Variants in NOD2 observed in about 807,000 individuals in gnomAD.
NOD2 encodes nucleotide binding oligomerization domain containing 2.
NOD2 carries 86 observed loss-of-function variants against 90.9 expected under a neutral mutation model. The ratio of observed to expected loss-of-function variants is 0.95; its 90% CI spans 0.79 to 1.13. The LOEUF (loss-of-function observed/expected upper bound fraction) is 1.13. Ranked by LOEUF, NOD2 falls within the 50% of genes most tolerant of loss-of-function variation. The pLI is 0.00. For missense variants in NOD2, 1,238 were observed against 1,283.8 expected (o/e 0.96, Z 0.55); for synonymous variants, 581 against 554.6 (o/e 1.05, Z -0.67).
Position 50,710,728 on chromosome 16 carries a change from C to T in NOD2, c.736C>T (p.Pro246Ser). Reference sequence around the variant, plus strand: ...CATGGCTGGACCCCCGCAGAAGAGCCCAGCCACCCTGGGCCTGGAGGAGCT... The same window carrying T: ...CATGGCTGGACCCCCGCAGAAGAGCTCAGCCACCCTGGGCCTGGAGGAGCT... ...VGMAGPPQKS[P>S]ATLGLEELFS... The change falls in exon 4 of 12, where the codon CCA becomes TCA. Residue 246 changes from proline (P) to serine (S), a missense_variant. This residue lies in a region of NOD2 where 567 missense variants were observed against 577.3 expected (regional missense o/e 0.98). Transcript: ENST00000647318. 6.2e-7 allele frequency: 1 copy of T among 1,613,770 alleles called. No homozygotes were observed. The highest frequency in any genetic ancestry group is 8.5e-7 in the Non-Finnish European group (1 of 1,179,780).
chr16:50,716,717 T>C, intron 5 of NOD2, 47 bp downstream of exon 5: 3 of 1,581,700 alleles, frequency 1.9e-6, no homozygotes, highest in Non-Finnish European at 2.6e-6. Context: ...TGCCCTGGTC[T>C]CACCCCAGGT....
intron 1 of NOD2, among the ~76,000 whole-genome samples, chr16:50,694,928 G>C (rs1020236910): frequency 6.6e-5 from 10 of 152,172 alleles, no homozygotes; most frequent in Non-Finnish European, 2.9e-5. Flanking sequence ...GGGGTGCTGG[G>C]GCTGGGTATT....
In NOD2 at chr16:50,716,942, C is replaced by G. The variant is rs1964828757; in HGVS notation, c.2517C>G (p.Leu839=). 3 of 1,614,114 alleles carry G rather than the reference C, an allele frequency of 1.9e-6. No homozygotes were observed. Among genetic ancestry groups the G allele is most frequent in the Non-Finnish European group, 2.5e-6 (3 of 1,180,048 alleles). ...GCTGTGCACACTCCATGGCTAAGCT[C>G]CTTGCATGCAGGCAGAACTTCTTGG... ...TDGCAHSMAK[L]LACRQNFLAL... The change falls in exon 6 of 12, where the codon CTC becomes CTG. Residue 839 remains leucine, a synonymous_variant. Transcript: ENST00000647318.
intron 1 of NOD2, chr16:50,698,143 C>G (rs926429762): frequency 6.6e-6 from 1 of 152,418 alleles, no homozygotes; most frequent in African/African-American, 2.4e-5. Flanking sequence ...ATGCCTACAC[C>G]CTTTCACTTT....
Position 50,731,759 on chromosome 16 carries a change from C to T in NOD2, c.2982C>T (p.Asn994=). 10 of 1,613,110 alleles carry T rather than the reference C, an allele frequency of 6.2e-6. No homozygotes were observed. The highest frequency in any genetic ancestry group is 8.5e-6 in the Non-Finnish European group (10 of 1,179,052). ...DTILEVWLRG[N]TFSLEEVDKL... is the part of the protein sequence containing the mutation. ...TGATCTGCTTTAGGCTCCGAGGGAA[C>T]ACTTTCTCTCTAGAGGAGGTTGACA... Residue 994 remains asparagine, a synonymous_variant, in exon 12 of 12, where the codon AAC becomes AAT. Coordinates refer to ENST00000647318, the MANE Select transcript of NOD2 (RefSeq NM_001370466.1).
intron 4 of NOD2, among the ~76,000 whole-genome samples, chr16:50,714,038 G>C (rs1417072609): frequency 2.0e-5 from 3 of 152,198 alleles, no homozygotes; most frequent in Non-Finnish European, 4.4e-5. Context: ...TTGGAAACCT[G>C]TCTGTTGGAG....
chr16:50,722,017 C>G (rs1425098658), intron 7 of NOD2, among the ~76,000 whole-genome samples: 2 of 152,166 alleles, frequency 1.3e-5, no homozygotes, highest in Non-Finnish European at 2.9e-5. Flanking sequence ...GTGTACATAC[C>G]TGTCCAGGGT....
chr16:50,698,612 C>G (rs1963775163), intron 1 of NOD2, among the ~76,000 whole-genome samples: 1 of 152,176 alleles, frequency 6.6e-6, no homozygotes, highest in South Asian at 2.1e-4. Flanking sequence ...TCATACATGG[C>G]TCGTGTTGAA....
chr16:50,721,366 GT>G (rs34103974), intron 7 of NOD2, among the ~76,000 whole-genome samples: 63,893 of 143,162 alleles, frequency 0.45, 14,272 homozygotes, highest in African/African-American at 0.56. Context: ...AACTTGCTTG[GT>G]TTTTTTTTTT....
intron 2 of NOD2, among the ~76,000 whole-genome samples, chr16:50,701,123 C>T (rs1963922036): frequency 6.6e-6 from 1 of 152,160 alleles, no homozygotes; most frequent in Non-Finnish European, 1.5e-5. Flanking sequence ...CAGTGCTGGA[C>T]CAATTGGCCA....
At chr16:50,726,100 G>A (rs114894126) in intron 10 of NOD2, among the ~76,000 whole-genome samples, 1,849 of 152,266 alleles carry the variant, frequency 0.012, 37 homozygotes, top group African/African-American at 0.042. Flanking sequence ...GGCTGGGGAG[G>A]TGATGTGATG....
At chr16:50,715,843 C>A (rs904639950) in intron 4 of NOD2, 1 of 152,418 alleles carries the variant, frequency 6.6e-6, no homozygotes, top group Non-Finnish European at 1.5e-5. Flanking sequence ...CCCAAGTTTG[C>A]CTAAAGATAA....
chr16:50,713,891 G>C (rs1418651086), intron 4 of NOD2, among the ~76,000 whole-genome samples: 1 of 152,168 alleles, frequency 6.6e-6, no homozygotes, highest in Non-Finnish European at 1.5e-5. Context: ...TGCTGGAGTA[G>C]TCCCCAGGCA....
chr16:50,715,361 G>A (rs1964734822), intron 4 of NOD2, among the ~76,000 whole-genome samples: 2 of 152,026 alleles, frequency 1.3e-5, no homozygotes, highest in Admixed American at 6.5e-5. Context: ...ACTGTGTACC[G>A]GGTGCTCACA....
At chr16:50,717,875 C>T (rs1449753154) in intron 6 of NOD2, among the ~76,000 whole-genome samples, 3 of 152,206 alleles carry the variant, frequency 2.0e-5, no homozygotes, top group Non-Finnish European at 4.4e-5. Flanking sequence ...AGTAGTCCTC[C>T]GGTATGTGCA....
chr16:50,722,384 TC>T (rs1256835694), intron 7 of NOD2, among the ~76,000 whole-genome samples: 1 of 152,158 alleles, frequency 6.6e-6, no homozygotes, highest in Admixed American at 6.5e-5. Flanking sequence ...CCTCTACTAT[TC>T]TCTAAGTCTG....
At chr16:50,708,697 T>A (rs1007700945) in intron 3 of NOD2, among the ~76,000 whole-genome samples, 7 of 152,156 alleles carry the variant, frequency 4.6e-5, no homozygotes, top group African/African-American at 1.7e-4. Context: ...CCTACACCAC[T>A]GTAGGGAAAG....
At chr16:50,730,315 A>G (rs73575775) in intron 11 of NOD2, among the ~76,000 whole-genome samples, 5,177 of 152,278 alleles carry the variant, frequency 0.034, 271 homozygotes, top group African/African-American at 0.11. Context: ...AGTGTTTCCA[A>G]TTCTCTATAA....
chr16:50,730,859 G>A (rs112111999), intron 11 of NOD2, among the ~76,000 whole-genome samples: 374 of 152,298 alleles, frequency 2.5e-3, no homozygotes, highest in Non-Finnish European at 4.6e-3. Flanking sequence ...CTCTCAAAAA[G>A]CACATCAAGG....
Sources: allele counts gnomAD v4.1 joint callset (sites outside exome capture counted in the v4.1 genomes callset), GRCh38; gene constraint gnomAD v4.1.1; regional missense constraint gnomAD v4.1.1; transcripts MANE v1.5; gene names NCBI Gene and HGNC (gene_info 2026-07-23, HGNC 2026-07-21).